Variants in TMTC1 observed in about 807,000 individuals in gnomAD.
The protein encoded by TMTC1 is transmembrane O-mannosyltransferase targeting cadherins 1.
TMTC1 carries 73 observed loss-of-function variants against 104.8 expected under a neutral mutation model. That is an observed-to-expected ratio of 0.70 (90% CI 0.58 to 0.85). TMTC1 has a LOEUF of 0.85. Among genes scored for constraint, TMTC1 ranks in the 40% least tolerant of loss-of-function variants. The pLI is 0.00. For missense variants in TMTC1, 1,035 were observed against 1,096.1 expected (o/e 0.94, Z 0.79); for synonymous variants, 434 against 428.7 (o/e 1.01, Z -0.15).
chr12:29,570,250 T>A (rs1945630780), intron 9 of TMTC1, among the ~76,000 whole-genome samples: 1 of 152,278 alleles, frequency 6.6e-6, no homozygotes, highest in South Asian at 2.1e-4. Context: ...AAAAATGACA[T>A]TTCCTCATTG....
intron 5 of TMTC1, among the ~76,000 whole-genome samples, chr12:29,740,087 G>T (rs1300770830): frequency 6.6e-6 from 1 of 152,172 alleles, no homozygotes; most frequent in African/African-American, 2.4e-5. Context: ...TGTCATCATA[G>T]TTTACTCTAG....
intron 9 of TMTC1, among the ~76,000 whole-genome samples, chr12:29,565,484 C>A (rs540657428): frequency 6.6e-6 from 1 of 152,136 alleles, no homozygotes; most frequent in South Asian, 2.1e-4. Flanking sequence ...CTGCTATTGA[C>A]GACATTTAGG....
chr12:29,737,365 G>A (rs1194978069), intron 5 of TMTC1, among the ~76,000 whole-genome samples: 1 of 152,152 alleles, frequency 6.6e-6, no homozygotes, highest in Admixed American at 6.5e-5. Flanking sequence ...CTAAAAATAC[G>A]AAATTAGCTG....
At chr12:29,658,538 G>A (rs16934692) in intron 5 of TMTC1, 18,878 of 162,006 alleles carry the variant, frequency 0.12, 1,104 homozygotes, top group African/African-American at 0.14. Context: ...ACATTAAATC[G>A]CTTAGCAAGA....
chr12:29,747,223 A>T (rs1942976177), intron 5 of TMTC1, among the ~76,000 whole-genome samples: 1 of 152,188 alleles, frequency 6.6e-6, no homozygotes, highest in Admixed American at 6.5e-5. Context: ...TGTGAAAGGG[A>T]AAGTGTTTCC....
At chr12:29,587,919 C>T (rs1455425597) in intron 7 of TMTC1, among the ~76,000 whole-genome samples, 3 of 152,156 alleles carry the variant, frequency 2.0e-5, no homozygotes, top group African/African-American at 4.8e-5. Context: ...CCTAAACACA[C>T]CTCCTTAAAA....
Position 29,611,429 on chromosome 12 carries a change from A to C in TMTC1, c.1129-7130T>G, listed in dbSNP as rs577615932. 7.9e-5 allele frequency among the ~76,000 whole-genome samples: 12 copies of C among 152,346 alleles called. No individual in the cohort carries two copies. In the South Asian group the frequency reaches 2.5e-3, roughly 32 times the overall value. On this transcript the variant is annotated intron_variant, in intron 6 of 17. Coordinates refer to ENST00000539277, the MANE Select transcript of TMTC1 (RefSeq NM_001193451.2). ...TAAGTGTGTATTAAAATGTTTAAAA[A>C]ATAAAAGCAAAAACCTTTTAGAAGG...
At chr12:29,687,051 A>G (rs1425350391) in intron 5 of TMTC1, among the ~76,000 whole-genome samples, 2 of 152,358 alleles carry the variant, frequency 1.3e-5, no homozygotes, top group African/African-American at 2.4e-5. Context: ...TGTATAAGAG[A>G]TATTGGGATT....
intron 1 of TMTC1, among the ~76,000 whole-genome samples, chr12:29,768,664 G>A (rs756339612): frequency 6.6e-6 from 1 of 152,178 alleles, no homozygotes; most frequent in Non-Finnish European, 1.5e-5. Context: ...ATTACCAGCT[G>A]CAGCTGAAAT....
intron 10 of TMTC1, among the ~76,000 whole-genome samples, chr12:29,538,327 T>C (rs1490973763): frequency 6.6e-6 from 1 of 152,184 alleles, no homozygotes; most frequent in African/African-American, 2.4e-5. Flanking sequence ...CACATGTTTT[T>C]TAAATGAAAT....
chr12:29,587,061 G>T (rs1228285928), intron 7 of TMTC1, among the ~76,000 whole-genome samples: 1 of 152,112 alleles, frequency 6.6e-6, no homozygotes, highest in African/African-American at 2.4e-5. Context: ...AATCCATCTG[G>T]CCCTGGACTT....
chr12:29,783,545 G>C lies in TMTC1; in HGVS notation c.207C>G (p.Leu69=), dbSNP rs772810033. 1,019 of 1,475,010 alleles carry C rather than the reference G, an allele frequency of 6.9e-4. 3 individuals carry two copies. The highest frequency in any genetic ancestry group is 5.1e-4 in the Non-Finnish European group (572 of 1,114,960). The allele number at this position is 1,475,010 out of a possible 1,614,324, so 91.4% of individuals were successfully genotyped here. ...NNPDVRPGAP[L]RWGIFTNDFW... Reference sequence around the variant, plus strand: ...AGTCGTTGGTGAAGATGCCCCAGCGGAGCGGGGCGCCGGGCCGCACGTCGG... The same window carrying C: ...AGTCGTTGGTGAAGATGCCCCAGCGCAGCGGGGCGCCGGGCCGCACGTCGG... Residue 69 remains leucine, a synonymous_variant, in exon 1 of 18, where the codon CTC becomes CTG. Transcript: ENST00000539277. This position sits in a 1 kb window ranked among gnomAD's most constrained non-coding sequence, Gnocchi z 4.7.
intron 6 of TMTC1, among the ~76,000 whole-genome samples, chr12:29,630,091 T>G (rs946035659): frequency 6.6e-6 from 1 of 152,244 alleles, no homozygotes; most frequent in Admixed American, 6.5e-5. Context: ...CAAGTTATAG[T>G]CAACCTCCAA....
At chr12:29,724,060 C>T (rs1346389864) in intron 5 of TMTC1, among the ~76,000 whole-genome samples, 1 of 152,102 alleles carries the variant, frequency 6.6e-6, no homozygotes, top group East Asian at 1.9e-4. Context: ...AATTCTACTA[C>T]ATTAACGACC....
rs1260977176 is a variant in TMTC1 at position 29,783,665 on chromosome 12, G to A, written c.87C>T (p.Ala29=). The A allele has an allele frequency of 1.5e-6, 2 of 1,340,644 alleles. No homozygotes were observed. The highest frequency in any genetic ancestry group is 1.9e-6 in the Non-Finnish European group (2 of 1,051,166). 83.0% of individuals were successfully genotyped at this position (1,340,644 alleles called of 1,614,324 possible). Reference sequence around the variant, plus strand: ...AGCTTGCCCCGGCCAGCAGCGCCGCGGCCCCGGCCGGCGCTAGCCCGCAGC... The same window carrying A: ...AGCTTGCCCCGGCCAGCAGCGCCGCAGCCCCGGCCGGCGCTAGCCCGCAGC... ...RRGCGLAPAG[A]AALLAGASCL... The change falls in exon 1 of 18, where the codon GCC becomes GCT. Residue 29 remains alanine (A), a synonymous_variant. Coordinates refer to ENST00000539277, the MANE Select transcript of TMTC1 (RefSeq NM_001193451.2). The surrounding 1 kb of genome is among the most constrained non-coding windows in gnomAD (Gnocchi z 4.7).
intron 10 of TMTC1, among the ~76,000 whole-genome samples, chr12:29,549,431 A>G (rs950475324): frequency 6.6e-6 from 1 of 152,160 alleles, no homozygotes; most frequent in African/African-American, 2.4e-5. Context: ...GGGGTGATGG[A>G]AATTGTCTAC....
At chr12:29,701,823 T>C (rs1268899595) in intron 5 of TMTC1, among the ~76,000 whole-genome samples, 1 of 152,182 alleles carries the variant, frequency 6.6e-6, no homozygotes. Flanking sequence ...AAATTCATCA[T>C]GTCAATAATT....
chr12:29,554,740 G>C (rs1331258284), intron 10 of TMTC1, among the ~76,000 whole-genome samples: 1 of 152,062 alleles, frequency 6.6e-6, no homozygotes, highest in Non-Finnish European at 1.5e-5. Context: ...CCATGGGGGG[G>C]CATGCCTATA....
chr12:29,525,859 T>A (rs1168168752), intron 11 of TMTC1, among the ~76,000 whole-genome samples: 1 of 152,226 alleles, frequency 6.6e-6, no homozygotes, highest in Non-Finnish European at 1.5e-5. Context: ...AATACCTTAT[T>A]TGTTTTACAA....
Sources: allele counts gnomAD v4.1 joint callset (sites outside exome capture counted in the v4.1 genomes callset), GRCh38; gene constraint gnomAD v4.1.1; non-coding constraint Gnocchi (gnomAD v3.1); transcripts MANE v1.5; gene names NCBI Gene and HGNC (gene_info 2026-07-23, HGNC 2026-07-21).